Variants in RRP12 observed in about 807,000 individuals in gnomAD.
The protein encoded by RRP12 is RRP12-like protein.
Under a neutral mutation model 157.3 loss-of-function variants are expected in RRP12, and 78 were observed. The observed-to-expected ratio is 0.50, with a 90% confidence interval of 0.41 to 0.60. The LOEUF (loss-of-function observed/expected upper bound fraction) is 0.60, where lower values mean the gene tolerates loss of function less well. RRP12 is among the 20% of genes least tolerant of loss of function. The pLI is 0.00. For missense variants in RRP12, 1,521 were observed against 1,679.9 expected, an observed-to-expected ratio of 0.91 and a Z score of 1.65; for synonymous variants, 726 against 670.9, an observed-to-expected ratio of 1.08 and a Z score of -1.27.
In RRP12 at chr10:97,385,804, G is replaced by A; in HGVS notation, c.1116+91C>T. ...AACCCAGCCCAGCCAACCTCACTCT[G>A]TAGACAAGGCGCAGGGCCAGTGCCC... On this transcript the variant is annotated intron_variant, in intron 9 of 33. Coordinates refer to ENST00000370992, the MANE Select transcript of RRP12 (RefSeq NM_015179.4). 5 of 932,996 alleles carry A rather than the reference G, an allele frequency of 5.4e-6. No individual in the cohort carries two copies. In the South Asian group the frequency reaches 7.1e-5, roughly 13 times the overall value. 57.8% of individuals were successfully genotyped at this position (932,996 alleles called of 1,614,324 possible).
At chr10:97,372,918 A>T (rs1844198391) in intron 18 of RRP12, 115 bp from the exon 19 acceptor site, 1 of 1,438,872 alleles carries the variant, frequency 6.9e-7, no homozygotes, top group Non-Finnish European at 9.6e-7. Context: ...TGCCCAAGCC[A>T]TGACTGCTGG....
chr10:97,367,020 G>A (rs202087020), intron 26 of RRP12, 21 bp downstream of exon 26: 261 of 1,612,638 alleles, frequency 1.6e-4, no homozygotes, highest in Middle Eastern at 6.6e-4. Context: ...CCCTACCCCC[G>A]CCCCTGCTCA....
rs1844219805 is a variant in RRP12, at chr10:97,373,567, A to G, written c.2026+8T>C. On this transcript the variant is annotated splice_region_variant and intron_variant, in intron 17 of 33. Transcript: ENST00000370992. ...TCCCCAGCCCCCACTCCCACAGCCC[A>G]CACGTACCTGCCTGGCAGCCCTTGG... 3 of 1,590,662 alleles carry G rather than the reference A, an allele frequency of 1.9e-6. No individual in the cohort carries two copies. Among genetic ancestry groups the G allele is most frequent in the Non-Finnish European group, 2.6e-6 (3 of 1,165,700 alleles).
chr10:97,379,277 C>T lies in RRP12; in HGVS notation c.1798+16G>A. On this transcript the variant is annotated intron_variant, in intron 15 of 33. Transcript: ENST00000370992. ...TGGGGAGCCTCAGGTCACACACAGG[C>T]AAGGGTCTCTCCTACCTTTGCTCTT... 6.2e-7 allele frequency: 1 copy of T among 1,613,510 alleles called. No individual in the cohort carries two copies.
chr10:97,390,369 G>T, intron 6 of RRP12, 54 bp downstream of exon 6: 1 of 1,374,298 alleles, frequency 7.3e-7, no homozygotes, highest in Non-Finnish European at 1.0e-6. Context: ...GGCTGCACTG[G>T]GCTGAGTGGT....
At chr10:97,383,547 A>G (rs1436362652) in intron 10 of RRP12, among the ~76,000 whole-genome samples, 1 of 152,242 alleles carries the variant, frequency 6.6e-6, no homozygotes, top group Non-Finnish European at 1.5e-5. Flanking sequence ...AAACCCAGCA[A>G]AAGAGAGCCA....
Position 97,357,205 on chromosome 10 carries a change from C to A in RRP12, c.3792-9G>T. The A allele has an allele frequency of 1.3e-6, 2 of 1,574,900 alleles. No homozygotes were observed. The highest frequency in any genetic ancestry group is 1.1e-5 in the South Asian group (1 of 89,288). On this transcript the variant is annotated splice_polypyrimidine_tract_variant and intron_variant, in intron 33 of 33. Transcript: ENST00000370992. ...GCAGCTTCATCTTCTTCCTGCAGGG[C>A]CAAGGAACGGAAGGGTCACATCTGG...
chr10:97,383,351 A>G lies in RRP12; in HGVS notation c.1209-1525T>C, dbSNP rs985372567. On this transcript the variant is annotated intron_variant, in intron 10 of 33. Coordinates refer to ENST00000370992, the MANE Select transcript of RRP12 (RefSeq NM_015179.4). Reference sequence around the variant, plus strand: ...GGCCAGAGACCTGGCCTTACTCATCAGGGCTGTGTGACTAGCTCACTCACA... The same window carrying G: ...GGCCAGAGACCTGGCCTTACTCATCGGGGCTGTGTGACTAGCTCACTCACA... 2.0e-5 allele frequency among the ~76,000 whole-genome samples: 3 copies of G among 152,210 alleles called. No individual in the cohort carries two copies. The South Asian group carries it at 6.2e-4, about 31-fold the overall frequency.
At chr10:97,377,654 G>A (rs930904428) in intron 15 of RRP12, among the ~76,000 whole-genome samples, 4 of 151,992 alleles carry the variant, frequency 2.6e-5, no homozygotes, top group Non-Finnish European at 5.9e-5. Flanking sequence ...AGACCAGCCT[G>A]GCCAACATGG....
At chr10:97,393,561 G>C in intron 4 of RRP12, 123 bp downstream of exon 4, 9 of 830,096 alleles carry the variant, frequency 1.1e-5, no homozygotes, top group African/African-American at 1.7e-5. Flanking sequence ...CATGCCTCTA[G>C]ACAATGTTCA....
Position 97,400,398 on chromosome 10 carries a change from CGAGGA to C in RRP12, c.271_275del (p.Ser91GlyfsTer41), listed in dbSNP as rs758183611. On this transcript the variant is annotated frameshift_variant, in exon 2 of 34. Transcript: ENST00000370992. LOFTEE classifies it high-confidence loss of function. ...CGGAAAGGCCACTCAGGAAGGTACC[CGAGGA>C]CTTCTCGGTGAGAACCAGCTCCGCC... 2 of 1,614,006 alleles carry C rather than the reference CGAGGA, an allele frequency of 1.2e-6. No individual in the cohort carries two copies. Among genetic ancestry groups the C allele is most frequent in the Non-Finnish European group, 1.7e-6 (2 of 1,180,020 alleles).
intron 16 of RRP12, 31 bp from the exon 17 acceptor site, chr10:97,373,768 GAC>G (rs1464634762): frequency 6.2e-7 from 1 of 1,612,798 alleles, no homozygotes; most frequent in South Asian, 1.1e-5. Context: ...AAAGGAAGGT[GAC>G]ACGCAGCCAC....
intron 9 of RRP12, 89 bp from the exon 10 acceptor site, chr10:97,385,346 G>A (rs1315294731): frequency 2.0e-6 from 2 of 1,023,438 alleles, no homozygotes; most frequent in East Asian, 2.4e-5. Context: ...CACCAGCAAT[G>A]TCCTGGGGAC....
chr10:97,358,495 A>C, intron 33 of RRP12, 42 bp downstream of exon 33: 2 of 1,460,044 alleles, frequency 1.4e-6, no homozygotes, highest in Non-Finnish European at 1.9e-6. Flanking sequence ...CCTCATCCCC[A>C]CCCATCCTCC....
chr10:97,359,095 C>CAATGGGCACCCTCTCTGAGAGG, intron 31 of RRP12, 85 bp from the exon 32 acceptor site: 1 of 1,018,848 alleles, frequency 9.8e-7, no homozygotes, highest in Non-Finnish European at 1.5e-6. Flanking sequence ...TCTGAGAGAG[C>CAATGGGCACCCTCTCTGAGAGG]TGCAAGGGAG....
At position 97,369,576 on chromosome 10, in the gene RRP12, A is replaced by G; in HGVS notation, c.2804T>C (p.Met935Thr). 12 of 1,561,692 alleles carry G rather than the reference A, an allele frequency of 7.7e-6. No individual in the cohort carries two copies. Among genetic ancestry groups the G allele is most frequent in the Non-Finnish European group, 1.0e-5 (12 of 1,152,618 alleles). Residue 935 changes from methionine to threonine, a missense_variant, in exon 25 of 34, where the codon ATG (methionine) becomes ACG (threonine). Met to Thr is a moderately conservative substitution (Grantham distance 81). Transcript: ENST00000370992. ...CAGCTGCTCCACTGTACTGGTCCCC[A>G]TCAGACCTGTGGCAGTGAGGGGGTC... ...THLLFEFKGL[M>T]GTSTVEQLLE...
chr10:97,397,072 T>A (rs1844984826), intron 2 of RRP12, among the ~76,000 whole-genome samples: 1 of 151,450 alleles, frequency 6.6e-6, no homozygotes, highest in African/African-American at 2.4e-5. Flanking sequence ...GCCTCCCATA[T>A]ACTTTAAATC....
In RRP12 at chr10:97,401,124, G is replaced by A. The variant is rs146510991; in HGVS notation, c.108C>T (p.Ala36=). 9 of 1,613,732 alleles carry A rather than the reference G, an allele frequency of 5.6e-6. No individual in the cohort carries two copies. The highest frequency in any genetic ancestry group is 7.6e-6 in the Non-Finnish European group (9 of 1,179,938). ...SNPAICRHRQ[A]ARSRFFSRPS... ...GCCGGCTGAAGAAGCGGCTGCGGGC[G>A]GCCTGACGGTGGCGGCAGATGGCGG... Residue 36 remains alanine (A), a synonymous_variant, in exon 1 of 34, where the codon GCC becomes GCT. Transcript: ENST00000370992.
At position 97,388,379 on chromosome 10, in the gene RRP12, C is replaced by G; in HGVS notation, c.890G>C (p.Gly297Ala). Reference sequence around the variant, plus strand: ...CAGCGTGGTGGTGGCCTCCTTGGAGCCTGGTATACAGAAGAGGAATTGAGA... The same window carrying G: ...CAGCGTGGTGGTGGCCTCCTTGGAGGCTGGTATACAGAAGAGGAATTGAGA... Reference protein sequence around the residue: ...FCIQEIEKSGGSKEATTTLHM... With the variant: ...FCIQEIEKSGASKEATTTLHM... The change falls in exon 8 of 34, where the codon GGC (glycine) becomes GCC (alanine). Residue 297 changes from glycine to alanine, a missense_variant and splice_region_variant. Transcript: ENST00000370992. 1 of 1,613,770 alleles carries G rather than the reference C, an allele frequency of 6.2e-7. No homozygotes were observed. The highest frequency in any genetic ancestry group is 8.5e-7 in the Non-Finnish European group (1 of 1,179,962).
Sources: gnomAD v4.1 joint callset for allele counts (sites outside exome capture counted in the v4.1 genomes callset) on GRCh38, gnomAD v4.1.1 for gene constraint, MANE v1.5 for transcripts, NCBI Gene and HGNC (gene_info 2026-07-23, HGNC 2026-07-21) for gene names.